Variants in TBXAS1 observed in about 807,000 individuals in gnomAD.
TBXAS1 encodes the protein thromboxane-A synthase.
In TBXAS1, 48 loss-of-function variants were observed where a neutral mutation model predicts 60.7. That is an observed-to-expected ratio of 0.79 (90% CI 0.63 to 1.01). The LOEUF (loss-of-function observed/expected upper bound fraction) is 1.01. Ranked by LOEUF, TBXAS1 falls within the 50% of genes least tolerant of loss-of-function variation. The pLI, the probability that TBXAS1 is intolerant of heterozygous loss-of-function variation, is 0.00. For synonymous variants in TBXAS1, 287 were observed against 269.7 expected (o/e 1.06, Z -0.63); for missense variants, 685 against 686.3 (o/e 1.00, Z 0.02).
intron 3 of TBXAS1, among the ~76,000 whole-genome samples, chr7:139,783,082 A>G (rs1390061466): frequency 6.6e-6 from 1 of 152,226 alleles, no homozygotes; most frequent in Admixed American, 6.5e-5. Context: ...CTCACAGAGA[A>G]TTTAAAAGAG....
intron 9 of TBXAS1, among the ~76,000 whole-genome samples, chr7:139,991,085 C>T (rs186399265): frequency 3.0e-4 from 45 of 152,304 alleles, no homozygotes; most frequent in Middle Eastern, 3.4e-3. Context: ...GCTGGAACGA[C>T]GCAGAAGCAG....
intron 3 of TBXAS1, among the ~76,000 whole-genome samples, chr7:139,786,707 A>G (rs1476275497): frequency 2.0e-5 from 3 of 152,154 alleles, no homozygotes; most frequent in Admixed American, 6.5e-5. Context: ...GTAAATTATG[A>G]TTGGTTTAAG....
At chr7:139,874,560 T>G (rs1022351193) in intron 2 of TBXAS1, among the ~76,000 whole-genome samples, 1 of 152,238 alleles carries the variant, frequency 6.6e-6, no homozygotes, top group Non-Finnish European at 1.5e-5. Flanking sequence ...TCAGTAGATT[T>G]CATGAGAAAG....
In TBXAS1 at chr7:139,872,346, T is replaced by G; in HGVS notation, c.183+18T>G. On this transcript the variant is annotated intron_variant, in intron 2 of 12. Coordinates refer to ENST00000448866, the MANE Select transcript of TBXAS1 (RefSeq NM_001061.7). ...TCCGCCAGGTAAGGGCTGTCTTCCATTGGCTTCCATCATAAAATATGCTGA... is the reference window on the plus strand; with the variant it reads ...TCCGCCAGGTAAGGGCTGTCTTCCAGTGGCTTCCATCATAAAATATGCTGA... 7 of 1,610,320 alleles carry G rather than the reference T, an allele frequency of 4.3e-6. No individual in the cohort carries two copies. Among genetic ancestry groups the G allele is most frequent in the Non-Finnish European group, 5.1e-6 (6 of 1,176,850 alleles).
At chr7:140,015,607 C>A (rs1814964355) in intron 10 of TBXAS1, 116 bp from the exon 11 acceptor site, 1 of 1,244,352 alleles carries the variant, frequency 8.0e-7, no homozygotes, top group Non-Finnish European at 1.2e-6. Flanking sequence ...TCATTCCACA[C>A]ACCATGCTGC....
At chr7:139,936,042 T>C in intron 4 of TBXAS1, 149 bp from the exon 5 acceptor site, 2 of 796,498 alleles carry the variant, frequency 2.5e-6, no homozygotes, top group South Asian at 2.7e-5. Flanking sequence ...TAAGCCTTTA[T>C]AGTCTTCCTC....
At chr7:139,980,857 A>G (rs531548296) in intron 9 of TBXAS1, among the ~76,000 whole-genome samples, 1 of 151,666 alleles carries the variant, frequency 6.6e-6, no homozygotes, top group South Asian at 2.1e-4. Flanking sequence ...CAGAGTGGAA[A>G]TTGTCATGTG....
chr7:139,995,312 C>T (rs1188494446), intron 9 of TBXAS1, among the ~76,000 whole-genome samples: 1 of 152,146 alleles, frequency 6.6e-6, no homozygotes, highest in Non-Finnish European at 1.5e-5. Flanking sequence ...CAGCTAGTGA[C>T]CTGCTCTCTG....
chr7:139,959,878 G>T (rs1810191252), intron 8 of TBXAS1, among the ~76,000 whole-genome samples: 1 of 152,154 alleles, frequency 6.6e-6, no homozygotes, highest in South Asian at 2.1e-4. Flanking sequence ...AGCAAGGGAT[G>T]CTCACTTCCC....
At chr7:139,799,473 T>C (rs1356466041) in intron 4 of TBXAS1, among the ~76,000 whole-genome samples, 1 of 152,102 alleles carries the variant, frequency 6.6e-6, no homozygotes, top group African/African-American at 2.4e-5. Context: ...TCAGGCAATC[T>C]GCCTGCCTCG....
chr7:139,835,829 A>G (rs1410902830), intron 1 of TBXAS1, among the ~76,000 whole-genome samples: 1 of 152,156 alleles, frequency 6.6e-6, no homozygotes, highest in East Asian at 1.9e-4. Context: ...CTAAAGAGGA[A>G]GTCAAACTGT....
intron 5 of TBXAS1, among the ~76,000 whole-genome samples, chr7:139,938,145 C>T (rs573267973): frequency 1.4e-3 from 218 of 152,238 alleles, no homozygotes; most frequent in African/African-American, 5.0e-3. Context: ...CAGATGCCAT[C>T]GGGGCTGGCC....
intron 12 of TBXAS1, 40 bp from the exon 13 acceptor site, chr7:140,019,982 GCTA>G (rs1472154781): frequency 6.3e-7 from 1 of 1,579,604 alleles, no homozygotes; most frequent in East Asian, 2.2e-5. Flanking sequence ...ACAGTGAGAT[GCTA>G]CTATCTCTTT....
chr7:139,934,468 G>A (rs371185422), intron 4 of TBXAS1, among the ~76,000 whole-genome samples: 24 of 152,192 alleles, frequency 1.6e-4, no homozygotes, highest in African/African-American at 4.1e-4. Flanking sequence ...GATTACAGGC[G>A]TGAGCCACCA....
chr7:139,836,507 A>C (rs1452144193), intron 1 of TBXAS1, among the ~76,000 whole-genome samples: 1 of 152,204 alleles, frequency 6.6e-6, no homozygotes, highest in Non-Finnish European at 1.5e-5. Context: ...ACCACAAATA[A>C]ACCCAAATAC....
intron 1 of TBXAS1, among the ~76,000 whole-genome samples, chr7:139,832,476 C>A (rs889176497): frequency 3.3e-5 from 5 of 151,744 alleles, no homozygotes; most frequent in Non-Finnish European, 7.4e-5. Context: ...AATGACCAAA[C>A]CTAAGAATAA....
intron 1 of TBXAS1, among the ~76,000 whole-genome samples, chr7:139,871,646 G>A (rs1452673856): frequency 6.6e-6 from 1 of 152,152 alleles, no homozygotes; most frequent in African/African-American, 2.4e-5. Context: ...GTTGCGGGCC[G>A]AGAAAACAAA....
At position 139,895,405 on chromosome 7, in the gene TBXAS1, G is replaced by A. The variant is rs567428584; in HGVS notation, c.237-15820G>A. 3.3e-5 allele frequency among the ~76,000 whole-genome samples: 5 copies of A among 152,334 alleles called. No individual in the cohort carries two copies. The South Asian group carries it at 1.0e-3, about 32-fold the overall frequency. ...GTCAGTTTCTAGAGATGGGGTTTGA[G>A]GGGCAAGATGTTTACTAGGGATCAG... On this transcript the variant is annotated intron_variant, in intron 3 of 12. Coordinates refer to ENST00000448866, the MANE Select transcript of TBXAS1 (RefSeq NM_001061.7).
intron 9 of TBXAS1, among the ~76,000 whole-genome samples, chr7:139,981,934 T>C (rs1812008524): frequency 6.6e-6 from 1 of 152,280 alleles, no homozygotes. Flanking sequence ...AGATAGTGAA[T>C]AAATTAACAT....
Sources: gnomAD v4.1 joint callset for allele counts (sites outside exome capture counted in the v4.1 genomes callset) on GRCh38, gnomAD v4.1.1 for gene constraint, MANE v1.5 for transcripts, NCBI Gene and HGNC (gene_info 2026-07-23, HGNC 2026-07-21) for gene names.